The following PPP4R4 variants were observed in gnomAD, a reference collection of about 807,000 sequenced individuals.
PPP4R4 encodes serine/threonine-protein phosphatase 4 regulatory subunit 4.
In PPP4R4, 70 loss-of-function variants were observed where a neutral mutation model predicts 121.8. The ratio of observed to expected loss-of-function variants is 0.57; its 90% CI spans 0.47 to 0.70. The LOEUF (loss-of-function observed/expected upper bound fraction) is 0.70. Ranked by LOEUF, PPP4R4 falls within the 30% of genes least tolerant of loss-of-function variation. The probability of loss-of-function intolerance (pLI) is 0.00; values close to 1 mark genes in which losing one functional copy is unlikely to be tolerated. For missense variants in PPP4R4, 875 were observed against 1,033.6 expected (o/e 0.85, Z 2.10); for synonymous variants, 348 against 355.7 (o/e 0.98, Z 0.24).
chr14:94,270,112 C>G (rs896920543), intron 23 of PPP4R4, among the ~76,000 whole-genome samples: 1 of 152,082 alleles, frequency 6.6e-6, no homozygotes, highest in Non-Finnish European at 1.5e-5. Context: ...CTGAAAAAGA[C>G]AGTTTATTTA....
intron 8 of PPP4R4, among the ~76,000 whole-genome samples, chr14:94,238,189 G>A (rs757386334): frequency 4.6e-5 from 7 of 152,218 alleles, no homozygotes; most frequent in African/African-American, 7.2e-5. Context: ...GTCAACCCAC[G>A]AGGGTGGAGC....
At chr14:94,185,887 A>G (rs1463720917) in intron 2 of PPP4R4, among the ~76,000 whole-genome samples, 3 of 152,218 alleles carry the variant, frequency 2.0e-5, no homozygotes, top group Admixed American at 6.5e-5. Context: ...CTGTGTAACT[A>G]GCACAAAATA....
At chr14:94,209,427 G>A (rs777552760) in intron 3 of PPP4R4, among the ~76,000 whole-genome samples, 2 of 151,934 alleles carry the variant, frequency 1.3e-5, no homozygotes, top group Non-Finnish European at 2.9e-5. Flanking sequence ...TTTATTTTTA[G>A]GCATGTGTAG....
intron 3 of PPP4R4, among the ~76,000 whole-genome samples, chr14:94,225,652 T>G (rs992534972): frequency 1.3e-5 from 2 of 152,114 alleles, no homozygotes; most frequent in African/African-American, 4.8e-5. Context: ...TAATTGAGCA[T>G]TTGAGTGAGT....
chr14:94,208,559 A>G lies in PPP4R4; in HGVS notation c.287A>G (p.Lys96Arg). 1.2e-6 allele frequency: 2 copies of G among 1,600,606 alleles called. No homozygotes were observed. The highest frequency in any genetic ancestry group is 1.7e-6 in the Non-Finnish European group (2 of 1,168,914). ...PTETLRRVLP[K>R]VREALHVAGV... ...GAGACGCTTCGGAGAGTGTTGCCAAAAGTCAGAGTAAGTTGGTATGAAATA... is the reference window on the plus strand; with the variant it reads ...GAGACGCTTCGGAGAGTGTTGCCAAGAGTCAGAGTAAGTTGGTATGAAATA... Residue 96 changes from lysine to arginine, a missense_variant, in exon 3 of 25, where the codon AAA becomes AGA. Lys to Arg is a conservative substitution (Grantham distance 26, BLOSUM62 2). Coordinates refer to ENST00000304338, the MANE Select transcript of PPP4R4 (RefSeq NM_058237.2).
chr14:94,219,962 G>A (rs1257832346), intron 3 of PPP4R4, among the ~76,000 whole-genome samples: 7 of 152,144 alleles, frequency 4.6e-5, no homozygotes, highest in East Asian at 1.9e-4. Context: ...GGTGGCTCAC[G>A]CCTGTAATCC....
chr14:94,245,966 G>T (rs1184728471), intron 13 of PPP4R4, among the ~76,000 whole-genome samples: 1 of 152,028 alleles, frequency 6.6e-6, no homozygotes, highest in African/African-American at 2.4e-5. Flanking sequence ...AGGACAAAAG[G>T]GTAGAAATTT....
chr14:94,230,364 T>C (rs1029580328), intron 3 of PPP4R4, among the ~76,000 whole-genome samples: 1 of 152,188 alleles, frequency 6.6e-6, no homozygotes, highest in Non-Finnish European at 1.5e-5. Context: ...GCAAGTTACT[T>C]TATCTTATAA....
At chr14:94,226,994 A>G (rs79459787) in intron 3 of PPP4R4, among the ~76,000 whole-genome samples, 1,684 of 152,234 alleles carry the variant, frequency 0.011, 33 homozygotes, top group African/African-American at 0.038. Flanking sequence ...GGAGACAGCT[A>G]TTTCCCTCTC....
chr14:94,265,408 C>T lies in PPP4R4; in HGVS notation c.2219C>T (p.Thr740Met), dbSNP rs529057061. 4.0e-5 allele frequency: 65 copies of T among 1,612,528 alleles called. No homozygotes were observed. The highest frequency in any genetic ancestry group is 2.6e-4 in the South Asian group (24 of 91,040). ...EKKRRDTKTPTQSLPKNIPIS... is the reference protein window; with the variant it reads ...EKKRRDTKTPMQSLPKNIPIS... Reference sequence around the variant, plus strand: ...TTAGGTAGAGACACTAAGACACCAACGCAAAGTCTGCCCAAGAACATCCCC... The same window carrying T: ...TTAGGTAGAGACACTAAGACACCAATGCAAAGTCTGCCCAAGAACATCCCC... The change falls in exon 21 of 25, where the codon ACG becomes ATG. Residue 740 changes from threonine (T) to methionine (M), a missense_variant. Coordinates refer to ENST00000304338, the MANE Select transcript of PPP4R4 (RefSeq NM_058237.2).
chr14:94,233,797 C>T, intron 6 of PPP4R4, 38 bp downstream of exon 6: 1 of 1,336,882 alleles, frequency 7.5e-7, no homozygotes, highest in Non-Finnish European at 1.1e-6. Context: ...TACTTTATTA[C>T]ATTCGTTTAA....
chr14:94,174,368 G>C lies in PPP4R4; in HGVS notation c.-98G>C, dbSNP rs1246071945. ...CCTCACGCTCGGCTCCAGCGGCCAA[G>C]AGCCGGAGAAAGTCCTGCTGGTGGG... On this transcript the variant is annotated 5_prime_UTR_variant, in exon 1 of 25. Coordinates refer to ENST00000304338, the MANE Select transcript of PPP4R4 (RefSeq NM_058237.2). 2.7e-6 allele frequency: 3 copies of C among 1,120,464 alleles called. No homozygotes were observed. The African/African-American group carries it at 5.5e-5, about 20-fold the overall frequency. The allele number at this position is 1,120,464 out of a possible 1,614,324, so 69.4% of individuals were successfully genotyped here.
intron 22 of PPP4R4, among the ~76,000 whole-genome samples, chr14:94,266,704 T>A (rs4144497): frequency 2.6e-5 from 4 of 151,876 alleles, no homozygotes; most frequent in Admixed American, 6.6e-5. Flanking sequence ...TTTTACCCAT[T>A]TTAGCTGCCT....
At chr14:94,254,332 T>C (rs1283190777) in intron 16 of PPP4R4, among the ~76,000 whole-genome samples, 2 of 152,210 alleles carry the variant, frequency 1.3e-5, no homozygotes, top group African/African-American at 4.8e-5. Flanking sequence ...GTTTAGACAA[T>C]GTCAAGCTGG....
chr14:94,220,099 G>A (rs571380956), intron 3 of PPP4R4, among the ~76,000 whole-genome samples: 1 of 152,280 alleles, frequency 6.6e-6, no homozygotes, highest in East Asian at 1.9e-4. Flanking sequence ...GCAGGCATCT[G>A]TAATCCCAGC....
chr14:94,253,375 G>A (rs1345697898), intron 16 of PPP4R4, among the ~76,000 whole-genome samples: 16 of 152,124 alleles, frequency 1.1e-4, no homozygotes, highest in Admixed American at 5.2e-4. Context: ...CAGGAGAATC[G>A]TATGAACCTG....
At chr14:94,212,223 T>C (rs960992879) in intron 3 of PPP4R4, among the ~76,000 whole-genome samples, 2 of 152,216 alleles carry the variant, frequency 1.3e-5, no homozygotes, top group African/African-American at 2.4e-5. Context: ...TTTGTTCTTA[T>C]GATAATGGAT....
chr14:94,247,203 A>T (rs908773851), intron 14 of PPP4R4, among the ~76,000 whole-genome samples: 1 of 152,248 alleles, frequency 6.6e-6, no homozygotes, highest in African/African-American at 2.4e-5. Flanking sequence ...TGTACATTTA[A>T]CATGACATCC....
At chr14:94,245,546 A>C in intron 12 of PPP4R4, 41 bp from the exon 13 acceptor site, 4 of 1,097,904 alleles carry the variant, frequency 3.6e-6, no homozygotes, top group Non-Finnish European at 5.1e-6. Context: ...TAGCAAAAAC[A>C]TAGTAATCAC....
Sources: gnomAD v4.1 joint callset for allele counts (sites outside exome capture counted in the v4.1 genomes callset) on GRCh38, gnomAD v4.1.1 for gene constraint, MANE v1.5 for transcripts, NCBI Gene and HGNC (gene_info 2026-07-23, HGNC 2026-07-21) for gene names.